THSD4: variants seen among roughly 807,000 people sequenced by gnomAD.
THSD4 encodes the protein thrombospondin type 1 domain containing 4.
Under a neutral mutation model 119.0 loss-of-function variants are expected in THSD4, and 69 were observed. The observed-to-expected ratio is 0.58, with a 90% CI of 0.48 to 0.71. The LOEUF (loss-of-function observed/expected upper bound fraction) is 0.71, where lower values mean the gene tolerates loss of function less well. THSD4 is among the 30% of genes least tolerant of loss of function. The pLI, the probability that THSD4 is intolerant of heterozygous loss-of-function variation, is 0.00. For missense variants in THSD4, 1,393 were observed against 1,391.1 expected (o/e 1.00, Z -0.02); for synonymous variants, 524 against 540.4 (o/e 0.97, Z 0.42).
At chr15:71,118,597 CTA>C in intron 1 of THSD4, among the ~76,000 whole-genome samples, 1 of 136,198 alleles carries the variant, frequency 7.3e-6, no homozygotes, top group East Asian at 2.1e-4. Context: ...AAGCACATGA[CTA>C]TTTGCCTGGG....
rs5813623 is a variant in THSD4 at position 71,279,784 on chromosome 15, TAA to T, written c.1015+23080_1015+23081del. ...ATGGAAAGGTGTACTTTTTCCCCTT[TAA>T]AAAAAAAAAACACAAAGATTGCTAC... On this transcript the variant is annotated intron_variant, in intron 6 of 17. Transcript: ENST00000261862. Among the ~76,000 whole-genome samples the T allele has an allele frequency of 2.4e-3, 363 of 148,644 alleles. 1 individual carries two copies. Among genetic ancestry groups the T allele is most frequent in the African/African-American group, 4.8e-3 (195 of 40,506 alleles).
At chr15:71,536,685 T>G (rs2140828343) in intron 7 of THSD4, among the ~76,000 whole-genome samples, 1 of 152,278 alleles carries the variant, frequency 6.6e-6, no homozygotes, top group East Asian at 1.9e-4. Context: ...GCTAATTCAC[T>G]TATGTATTAT....
chr15:71,243,182 A>G, intron 5 of THSD4, 86 bp downstream of exon 5: 2 of 1,355,998 alleles, frequency 1.5e-6, no homozygotes, highest in Middle Eastern at 2.0e-4. Flanking sequence ...GAAGACAGCA[A>G]GGATATGGTG....
chr15:71,123,733 G>A (rs774859383), intron 1 of THSD4, among the ~76,000 whole-genome samples: 3 of 152,204 alleles, frequency 2.0e-5, no homozygotes, highest in Non-Finnish European at 4.4e-5. Context: ...CCAACAGGAG[G>A]AAACAAGGTT....
At chr15:71,771,343 G>A (rs533642222) in intron 17 of THSD4, 135 bp downstream of exon 17, 18 of 1,158,178 alleles carry the variant, frequency 1.6e-5, no homozygotes, top group Admixed American at 2.5e-5. Flanking sequence ...GAGGGTTGAG[G>A]TGCTTTTGGT....
intron 8 of THSD4, among the ~76,000 whole-genome samples, chr15:71,718,512 C>T (rs1259754137): frequency 6.6e-6 from 1 of 152,184 alleles, no homozygotes; most frequent in Non-Finnish European, 1.5e-5. Context: ...TGCTACCCAT[C>T]TTCCTATTTA....
chr15:71,140,593 G>C (rs1370567142), intron 1 of THSD4, among the ~76,000 whole-genome samples: 1 of 152,172 alleles, frequency 6.6e-6, no homozygotes, highest in Non-Finnish European at 1.5e-5. Flanking sequence ...ACCATTTACT[G>C]AGGGTGACGC....
At chr15:71,270,046 A>G (rs1036578968) in intron 6 of THSD4, among the ~76,000 whole-genome samples, 5 of 152,342 alleles carry the variant, frequency 3.3e-5, no homozygotes, top group Middle Eastern at 3.4e-3. Flanking sequence ...TATAGATTCA[A>G]TGCTATCCCC....
intron 3 of THSD4, among the ~76,000 whole-genome samples, chr15:71,209,324 C>T (rs1418337936): frequency 1.3e-5 from 2 of 152,154 alleles, no homozygotes; most frequent in Non-Finnish European, 2.9e-5. Flanking sequence ...ATTTTTAAAG[C>T]CCACATCATC....
At chr15:71,594,584 C>T (rs1381476358) in intron 7 of THSD4, among the ~76,000 whole-genome samples, 1 of 152,134 alleles carries the variant, frequency 6.6e-6, no homozygotes, top group East Asian at 1.9e-4. Context: ...AGAGGCTCCC[C>T]ACATTGCCTT....
intron 1 of THSD4, among the ~76,000 whole-genome samples, chr15:71,102,904 G>A (rs895021957): frequency 6.6e-6 from 1 of 152,064 alleles, no homozygotes; most frequent in African/African-American, 2.4e-5. Context: ...GAGAATTTCG[G>A]TATTTCCATT....
intron 1 of THSD4, among the ~76,000 whole-genome samples, chr15:71,126,112 C>T (rs969381693): frequency 2.4e-4 from 37 of 152,226 alleles, no homozygotes; most frequent in African/African-American, 8.2e-4. Flanking sequence ...ACTTGTTTGA[C>T]GTCCAGCAAT....
chr15:71,366,591 C>T (rs1006422469), intron 6 of THSD4, among the ~76,000 whole-genome samples: 8 of 152,164 alleles, frequency 5.3e-5, no homozygotes, highest in Non-Finnish European at 1.0e-4. Flanking sequence ...CAATGGCCCG[C>T]ACTATATGGG....
chr15:71,195,438 G>A (rs1340293505), intron 3 of THSD4, among the ~76,000 whole-genome samples: 1 of 152,210 alleles, frequency 6.6e-6, no homozygotes, highest in Non-Finnish European at 1.5e-5. Flanking sequence ...CACTAGAAGG[G>A]TGTAGTGGGA....
At chr15:71,677,310 T>C (rs541385931) in intron 8 of THSD4, among the ~76,000 whole-genome samples, 6 of 152,344 alleles carry the variant, frequency 3.9e-5, no homozygotes, top group African/African-American at 1.4e-4. Context: ...ATGAGGAAAG[T>C]GATCATTGAG....
chr15:71,689,196 A>C (rs1374394675), intron 8 of THSD4, among the ~76,000 whole-genome samples: 1 of 152,250 alleles, frequency 6.6e-6, no homozygotes, highest in African/African-American at 2.4e-5. Context: ...ACCCTCAAAA[A>C]GTCAGACCAA....
At chr15:71,277,234 T>G (rs1478231632) in intron 6 of THSD4, among the ~76,000 whole-genome samples, 2 of 150,822 alleles carry the variant, frequency 1.3e-5, no homozygotes, top group Non-Finnish European at 2.9e-5. Flanking sequence ...CAAGTGATTC[T>G]CTTGTCTCAG....
intron 7 of THSD4, among the ~76,000 whole-genome samples, chr15:71,536,927 T>C (rs893298796): frequency 3.3e-5 from 5 of 152,122 alleles, no homozygotes; most frequent in African/African-American, 4.8e-5. Context: ...TGTCTTAAAA[T>C]GTAACATCAA....
In THSD4 at chr15:71,161,334, T is replaced by C. The variant is rs184061346; in HGVS notation, c.99+6402T>C. Among the ~76,000 whole-genome samples the C allele has an allele frequency of 9.9e-5, 15 of 152,206 alleles. No homozygotes were observed. The East Asian group carries it at 1.5e-3, about 16-fold the overall frequency. On this transcript the variant is annotated intron_variant, in intron 3 of 17. Coordinates refer to ENST00000261862, the MANE Select transcript of THSD4 (RefSeq NM_024817.3). ...GTCTGTCTAGGTGATCTGTCTGTTG[T>C]TGAAAGTGGGGTGTTGAAGCCCCCT...
Sources: allele counts gnomAD v4.1 joint callset (sites outside exome capture counted in the v4.1 genomes callset), GRCh38; gene constraint gnomAD v4.1.1; transcripts MANE v1.5; gene names NCBI Gene and HGNC (gene_info 2026-07-23, HGNC 2026-07-21).